The following STAG1 variants were observed in gnomAD, a reference collection of about 807,000 sequenced individuals.
STAG1 encodes the protein STAG1 cohesin complex component, also known as cohesin subunit SA-1.
Under a neutral mutation model 170.9 loss-of-function variants are expected in STAG1, and 26 were observed. That is an observed-to-expected ratio of 0.15 (90% CI 0.11 to 0.21). The LOEUF (loss-of-function observed/expected upper bound fraction) is 0.21. STAG1 is among the 10% of genes least tolerant of loss of function. The pLI, the probability that STAG1 is intolerant of heterozygous loss-of-function variation, is 1.00. For missense variants in STAG1, 964 were observed against 1,509.5 expected, an observed-to-expected ratio of 0.64 and a Z score of 5.99; for synonymous variants, 514 against 497.7, an observed-to-expected ratio of 1.03 and a Z score of -0.44.
intron 14 of STAG1, among the ~76,000 whole-genome samples, chr3:136,450,907 C>T (rs2088917232): frequency 6.6e-6 from 1 of 152,032 alleles, no homozygotes; most frequent in South Asian, 2.1e-4. Flanking sequence ...CCACCACGCT[C>T]AGCTAATTTT....
chr3:136,703,719 G>A (rs1457503176), intron 1 of STAG1, among the ~76,000 whole-genome samples: 9 of 152,124 alleles, frequency 5.9e-5, no homozygotes, highest in Middle Eastern at 3.4e-3. Flanking sequence ...ATTAAAAAAC[G>A]TAGACTGGGG....
At chr3:136,352,139 C>A (rs752736208) in intron 28 of STAG1, among the ~76,000 whole-genome samples, 1 of 151,858 alleles carries the variant, frequency 6.6e-6, no homozygotes, top group Non-Finnish European at 1.5e-5. Flanking sequence ...CAAAAGATAT[C>A]ATTTTTGCAA....
intron 1 of STAG1, among the ~76,000 whole-genome samples, chr3:136,709,939 G>A (rs1029358648): frequency 5.9e-5 from 9 of 151,954 alleles, no homozygotes; most frequent in Non-Finnish European, 1.3e-4. Flanking sequence ...GAAGGCTAAG[G>A]CATGAGAATC....
In STAG1 at chr3:136,422,619, G is replaced by A. The variant is rs2107730033; in HGVS notation, c.1834-6C>T. ...TTTAATAAAGCATCCAGATGCTGAG[G>A]AGACAAAAAAAGAAAAACTGTAATA... On this transcript the variant is annotated splice_region_variant and splice_polypyrimidine_tract_variant and intron_variant, in intron 18 of 33. Coordinates refer to ENST00000383202, the MANE Select transcript of STAG1 (RefSeq NM_005862.3). The A allele has an allele frequency of 6.3e-7, 1 of 1,599,790 alleles. No homozygotes were observed. The highest frequency in any genetic ancestry group is 2.2e-5 in the East Asian group (1 of 44,736).
intron 1 of STAG1, among the ~76,000 whole-genome samples, chr3:136,701,030 T>C (rs1409326697): frequency 5.3e-5 from 8 of 151,428 alleles, no homozygotes; most frequent in African/African-American, 1.9e-4. Flanking sequence ...AACGGGCACA[T>C]GCCACCACAC....
At chr3:136,591,489 T>C (rs1264626674) in intron 4 of STAG1, 22 of 400,034 alleles carry the variant, frequency 5.5e-5, no homozygotes, top group Non-Finnish European at 9.8e-5. Context: ...GGAGGATCAC[T>C]TGGGCCCAGA....
At chr3:136,464,189 T>C (rs2089378233) in intron 13 of STAG1, among the ~76,000 whole-genome samples, 1 of 151,930 alleles carries the variant, frequency 6.6e-6, no homozygotes. Flanking sequence ...TTTGGGAGGC[T>C]GAGGCGGGCG....
intron 13 of STAG1, among the ~76,000 whole-genome samples, chr3:136,453,238 T>C (rs1227760877): frequency 6.6e-6 from 1 of 151,838 alleles, no homozygotes; most frequent in Non-Finnish European, 1.5e-5. Context: ...ATCTGAAATA[T>C]GGCAAAAAAA....
intron 6 of STAG1, among the ~76,000 whole-genome samples, chr3:136,524,462 C>G (rs1934881011): frequency 6.6e-6 from 1 of 152,174 alleles, no homozygotes; most frequent in Non-Finnish European, 1.5e-5. Flanking sequence ...TGAGACTTTG[C>G]TGAAGTTGCT....
At chr3:136,562,963 G>T (rs1309780752) in intron 5 of STAG1, among the ~76,000 whole-genome samples, 1 of 152,156 alleles carries the variant, frequency 6.6e-6, no homozygotes, top group Non-Finnish European at 1.5e-5. Flanking sequence ...CTCAATTCAA[G>T]CTTGTCTTAT....
chr3:136,518,326 C>T (rs1465370613), intron 7 of STAG1: 1 of 684,170 alleles, frequency 1.5e-6, no homozygotes, highest in Non-Finnish European at 2.7e-6. Context: ...CATATCTGGC[C>T]ATAACTGCCT....
At chr3:136,514,101 C>T (rs1934221351) in intron 7 of STAG1, among the ~76,000 whole-genome samples, 1 of 152,098 alleles carries the variant, frequency 6.6e-6, no homozygotes, top group Non-Finnish European at 1.5e-5. Context: ...TCTGAATTCT[C>T]TGTAAGTAGT....
At chr3:136,521,502 ACCCTTTTTT>A in intron 6 of STAG1, 85 bp from the exon 7 acceptor site, 4 of 1,196,250 alleles carry the variant, frequency 3.3e-6, no homozygotes, top group Non-Finnish European at 4.7e-6. Flanking sequence ...CTACATAGGA[ACCCTTTTTT>A]GCAAAGCAGT....
chr3:136,564,948 A>T (rs1936996288), intron 5 of STAG1, among the ~76,000 whole-genome samples: 1 of 143,854 alleles, frequency 7.0e-6, no homozygotes, highest in Non-Finnish European at 1.5e-5. Context: ...GGATCCTTAA[A>T]TTTGACATGT....
At chr3:136,572,476 C>T (rs894541669) in intron 4 of STAG1, among the ~76,000 whole-genome samples, 1 of 151,430 alleles carries the variant, frequency 6.6e-6, no homozygotes, top group African/African-American at 2.4e-5. Context: ...ACCTGTGGTC[C>T]CAGCTACTTG....
chr3:136,673,514 A>G (rs1942038358), intron 1 of STAG1, among the ~76,000 whole-genome samples: 1 of 152,182 alleles, frequency 6.6e-6, no homozygotes, highest in Non-Finnish European at 1.5e-5. Flanking sequence ...GTCATGAGAA[A>G]TGACTGCTTG....
At chr3:136,499,670 C>T (rs1016736117) in intron 9 of STAG1, 1 of 152,340 alleles carries the variant, frequency 6.6e-6, no homozygotes, top group Admixed American at 6.5e-5. Flanking sequence ...GAAAGACAAA[C>T]TAAAATCATT....
At chr3:136,416,086 C>T (rs1444531799) in intron 21 of STAG1, among the ~76,000 whole-genome samples, 1 of 151,984 alleles carries the variant, frequency 6.6e-6, no homozygotes, top group African/African-American at 2.4e-5. Context: ...CTGCTCACTG[C>T]AACCTCTACC....
At chr3:136,696,100 T>A (rs990367392) in intron 1 of STAG1, among the ~76,000 whole-genome samples, 6 of 152,140 alleles carry the variant, frequency 3.9e-5, no homozygotes, top group African/African-American at 1.4e-4. Flanking sequence ...GAAAGAGAAA[T>A]GTTGCATTAA....
Sources: gnomAD v4.1 joint callset for allele counts (sites outside exome capture counted in the v4.1 genomes callset) on GRCh38, gnomAD v4.1.1 for gene constraint, MANE v1.5 for transcripts, NCBI Gene and HGNC (gene_info 2026-07-23, HGNC 2026-07-21) for gene names.